The following MYO1F variants were observed in gnomAD, a reference collection of about 807,000 sequenced individuals.
MYO1F encodes unconventional myosin-If.
A neutral mutation model predicts 146.6 loss-of-function variants in MYO1F; 60 were observed. The ratio of observed to expected loss-of-function variants is 0.41; its 90% CI spans 0.33 to 0.51. The LOEUF (loss-of-function observed/expected upper bound fraction) is 0.51, where lower values mean the gene tolerates loss of function less well. Among genes scored for constraint, MYO1F ranks in the 20% least tolerant of loss-of-function variants. The probability of loss-of-function intolerance (pLI) is 0.25; values close to 1 mark genes in which losing one functional copy is unlikely to be tolerated. For missense variants in MYO1F, 1,274 were observed against 1,534.3 expected, an observed-to-expected ratio of 0.83 and a Z score of 2.83; for synonymous variants, 602 against 602.1, an observed-to-expected ratio of 1.00 and a Z score of 0.00.
At chr19:8,524,956 CG>C (rs1972204243) in intron 25 of MYO1F, among the ~76,000 whole-genome samples, 1 of 151,906 alleles carries the variant, frequency 6.6e-6, no homozygotes, top group Non-Finnish European at 1.5e-5. Flanking sequence ...CCAGCACTTT[CG>C]GAGGCCGAGA....
At chr19:8,564,005 T>C (rs989476216) in intron 1 of MYO1F, among the ~76,000 whole-genome samples, 2 of 152,234 alleles carry the variant, frequency 1.3e-5, no homozygotes, top group African/African-American at 4.8e-5. Flanking sequence ...TTGATTCTTT[T>C]TGAAACTATG....
chr19:8,568,841 A>T (rs2042057484), intron 1 of MYO1F, among the ~76,000 whole-genome samples: 1 of 152,022 alleles, frequency 6.6e-6, no homozygotes, highest in African/African-American at 2.4e-5. Flanking sequence ...GAATTGCTTG[A>T]ACCTAGGAGG....
At chr19:8,568,152 G>A (rs1568375236) in intron 1 of MYO1F, among the ~76,000 whole-genome samples, 2 of 152,228 alleles carry the variant, frequency 1.3e-5, no homozygotes, top group African/African-American at 4.8e-5. Context: ...GGCCGGGCAC[G>A]GTGGCTCACA....
chr19:8,553,894 ACTCTCT>A (rs530875155), intron 4 of MYO1F, among the ~76,000 whole-genome samples: 176 of 102,668 alleles, frequency 1.7e-3, no homozygotes, highest in Middle Eastern at 0.014. Flanking sequence ...ACACACACAC[ACTCTCT>A]CTCTCTCTCT....
At position 8,577,389 on chromosome 19, in the gene MYO1F, G is replaced by T; in HGVS notation, c.-80C>A. 6 of 1,549,566 alleles carry T rather than the reference G, an allele frequency of 3.9e-6. No individual in the cohort carries two copies. The highest frequency in any genetic ancestry group is 1.1e-5 in the South Asian group (1 of 89,042). ...GTGCAGGTTCAGGGGGATCTTGGGG[G>T]TGGCTTGGGCATGGCCCTGCTTCTG... On this transcript the variant is annotated 5_prime_UTR_variant, in exon 1 of 28. Coordinates refer to ENST00000644032, the MANE Select transcript of MYO1F (RefSeq NM_012335.4). The surrounding 1 kb of genome is among the most constrained non-coding windows in gnomAD (Gnocchi z 4.3).
Position 8,526,869 on chromosome 19 carries a change from G to A in MYO1F, c.2541C>T (p.Phe847=). The A allele has an allele frequency of 6.2e-7, 1 of 1,614,028 alleles. No homozygotes were observed. The highest frequency in any genetic ancestry group is 8.5e-7 in the Non-Finnish European group (1 of 1,180,004). The change falls in exon 23 of 28, where the codon TTC becomes TTT. Residue 847 remains phenylalanine, a synonymous_variant. Transcript: ENST00000644032. The part of the protein sequence containing the change: ...DAADSFLESV[F]KTEFVSLLCK... ...ACAGAAGGCTGACAAACTCGGTCTTGAAGACGCTCTCCAGGAAGCTGTCGG... is the reference window on the plus strand; with the variant it reads ...ACAGAAGGCTGACAAACTCGGTCTTAAAGACGCTCTCCAGGAAGCTGTCGG...
chr19:8,521,477 C>T lies in MYO1F; in HGVS notation c.*51G>A, dbSNP rs1372055796. 1.9e-6 allele frequency: 3 copies of T among 1,592,530 alleles called. No homozygotes were observed. The highest frequency in any genetic ancestry group is 2.7e-5 in the African/African-American group (2 of 74,450). ...TGGCAGGGCCTGGCTCCCCACCAGGCCGGCAGGCAGATAGGCGGGCGAAAG... is the reference window on the plus strand; with the variant it reads ...TGGCAGGGCCTGGCTCCCCACCAGGTCGGCAGGCAGATAGGCGGGCGAAAG... On this transcript the variant is annotated 3_prime_UTR_variant, in exon 28 of 28. Transcript: ENST00000644032.
intron 14 of MYO1F, among the ~76,000 whole-genome samples, chr19:8,543,636 ACGGTGGTGGTGGTGGTGCTGG>A: frequency 1.4e-5 from 2 of 139,622 alleles, no homozygotes; most frequent in Non-Finnish European, 3.1e-5. Context: ...CCCAGGGAAC[ACGGTGGTGGTGGTGGTGCTGG>A]TGGTGGTGGT....
At position 8,544,041 on chromosome 19, in the gene MYO1F, CTGGTGG is replaced by C. The variant is rs1192452702; in HGVS notation, c.1524+250_1524+255del. On this transcript the variant is annotated intron_variant, in intron 14 of 27. Transcript: ENST00000644032. ...GGCGGTGGCGGTGGCGGTGGCGGTG[CTGGTGG>C]TGGTGGTGGTGGTGGTGGTGGTGTC... 1.1e-3 allele frequency: 229 copies of C among 212,460 alleles called. 2 individuals carry two copies. The highest frequency in any genetic ancestry group is 3.9e-3 in the Admixed American group (43 of 11,014). 13.2% of individuals were successfully genotyped at this position (212,460 alleles called of 1,614,324 possible).
chr19:8,561,375 T>TCCCTTCCCCCCTTCCC (rs1174541554), intron 1 of MYO1F, among the ~76,000 whole-genome samples: 1 of 62,144 alleles, frequency 1.6e-5, no homozygotes, highest in Admixed American at 1.6e-4. Flanking sequence ...CCTCCCTCCC[T>TCCCTTCCCCCCTTCCC]CCCTTCCCCC....
Position 8,574,577 on chromosome 19 carries a change from T to G in MYO1F, c.3+2730A>C, listed in dbSNP as rs11669933. 1.4e-3 allele frequency among the ~76,000 whole-genome samples: 108 copies of G among 79,792 alleles called. 3 individuals are homozygous for G. In the East Asian group the frequency reaches 0.018, roughly 13 times the overall value. 52.3% of individuals were successfully genotyped at this position (79,792 alleles called of 152,430 possible). A position where few individuals can be genotyped will look rare whatever the true frequency, so the allele number is the denominator to read the frequency against. ...TTTCTTTCTTTCTTTCTTTCTTTCTTTCTCTCTCTCTCTCTCTCTCTTTCT... is the reference window on the plus strand; with the variant it reads ...TTTCTTTCTTTCTTTCTTTCTTTCTGTCTCTCTCTCTCTCTCTCTCTTTCT... On this transcript the variant is annotated intron_variant, in intron 1 of 27. Transcript: ENST00000644032.
At chr19:8,559,849 CT>C (rs1394376131) in intron 1 of MYO1F, among the ~76,000 whole-genome samples, 1 of 150,054 alleles carries the variant, frequency 6.7e-6, no homozygotes, top group African/African-American at 2.4e-5. Context: ...ACTCGGGAGG[CT>C]GAGGCAGGAG....
At chr19:8,562,529 AATTT>A (rs1013709217) in intron 1 of MYO1F, among the ~76,000 whole-genome samples, 3 of 151,196 alleles carry the variant, frequency 2.0e-5, no homozygotes, top group African/African-American at 7.3e-5. Context: ...TTATTTTAAA[AATTT>A]ATTTACTTAT....
Position 8,526,547 on chromosome 19 carries a change from G to A in MYO1F, c.2676C>T (p.Val892=). ...AGTCGCCGAAGCCGCGGGAGAAGGT[G>A]ACGCTGCGGGTGCCGCCACCGCCCC... is the stretch of plus-strand genomic sequence containing the variant. ...EGWGGGGTRS[V]TFSRGFGDLA... is the part of the protein sequence containing the mutation. The change falls in exon 24 of 28, where the codon GTC becomes GTT. Residue 892 remains valine, a synonymous_variant. Transcript: ENST00000644032. 1 of 1,595,692 alleles carries A rather than the reference G, an allele frequency of 6.3e-7. No homozygotes were observed. Among genetic ancestry groups the A allele is most frequent in the Non-Finnish European group, 8.5e-7 (1 of 1,173,392 alleles).
At chr19:8,552,474 C>T (rs1973655248) in intron 6 of MYO1F, among the ~76,000 whole-genome samples, 1 of 151,998 alleles carries the variant, frequency 6.6e-6, no homozygotes, top group African/African-American at 2.4e-5. Flanking sequence ...ATCATGTTGG[C>T]CAGGCTGGTC....
At chr19:8,555,909 C>G in intron 1 of MYO1F, 113 bp from the exon 2 acceptor site, 1 of 1,110,142 alleles carries the variant, frequency 9.0e-7, no homozygotes, top group South Asian at 1.6e-5. Context: ...CACCTCCATT[C>G]CTCCTTCCCC....
intron 16 of MYO1F, among the ~76,000 whole-genome samples, chr19:8,538,583 GAT>G (rs1972827970): frequency 7.6e-6 from 1 of 131,092 alleles, no homozygotes; most frequent in Non-Finnish European, 1.5e-5. Flanking sequence ...CTCCCGGTCT[GAT>G]TTTTTTTTTT....
intron 1 of MYO1F, among the ~76,000 whole-genome samples, chr19:8,576,169 T>C (rs1292616757): frequency 6.6e-6 from 1 of 152,184 alleles, no homozygotes; most frequent in Admixed American, 6.5e-5. Context: ...GTTAATTTTT[T>C]GTATTTTTTA....
intron 24 of MYO1F, 84 bp from the exon 25 acceptor site, chr19:8,525,646 C>G (rs1302760166): frequency 9.1e-7 from 1 of 1,103,100 alleles, no homozygotes; most frequent in Non-Finnish European, 1.3e-6. Context: ...TCTGAGGCTC[C>G]GCCGCACCCC....
Sources: allele counts gnomAD v4.1 joint callset (sites outside exome capture counted in the v4.1 genomes callset), GRCh38; gene constraint gnomAD v4.1.1; non-coding constraint Gnocchi (gnomAD v3.1); transcripts MANE v1.5; gene names NCBI Gene and HGNC (gene_info 2026-07-23, HGNC 2026-07-21).